The following FANCC variants were observed in gnomAD, a reference collection of about 807,000 sequenced individuals.
FANCC encodes the protein Fanconi anemia group C protein.
FANCC carries 55 observed loss-of-function variants against 71.3 expected under a neutral mutation model. The ratio of observed to expected loss-of-function variants is 0.77; its 90% confidence interval spans 0.62 to 0.97. The LOEUF is 0.97. Ranked by LOEUF, FANCC falls within the 50% of genes least tolerant of loss-of-function variation. FANCC has a pLI of 0.00. For missense variants in FANCC, 678 were observed against 670.9 expected (o/e 1.01, Z -0.12); for synonymous variants, 275 against 244.9 (o/e 1.12, Z -1.15).
At chr9:95,305,203 A>C (rs1835002682) in intron 1 of FANCC, among the ~76,000 whole-genome samples, 1 of 152,230 alleles carries the variant, frequency 6.6e-6, no homozygotes, top group East Asian at 1.9e-4. Flanking sequence ...CCACACATAC[A>C]GCCATGCACA....
intron 1 of FANCC, among the ~76,000 whole-genome samples, chr9:95,277,243 C>T (rs1833096417): frequency 6.6e-6 from 1 of 152,062 alleles, no homozygotes; most frequent in Non-Finnish European, 1.5e-5. Context: ...TTGCTTCAGC[C>T]TCAAAGAGCA....
In FANCC at chr9:95,248,967, G is replaced by A. The variant is rs566521626; in HGVS notation, c.165+160C>T. On this transcript the variant is annotated intron_variant, in intron 2 of 14. Coordinates refer to ENST00000289081, the MANE Select transcript of FANCC (RefSeq NM_000136.3). The stretch of plus-strand genomic sequence containing the variant: ...AGAAATTATAATAATATAATAAATC[G>A]GAGACTAGGAAACCAGCTCTTGAGT... Among the ~76,000 whole-genome samples the A allele has an allele frequency of 2.4e-4, 37 of 152,130 alleles. No homozygotes were observed. The East Asian group carries it at 5.6e-3, about 23-fold the overall frequency.
intron 4 of FANCC, among the ~76,000 whole-genome samples, chr9:95,205,306 A>AT (rs1828054401): frequency 3.9e-5 from 6 of 152,234 alleles, no homozygotes; most frequent in Non-Finnish European, 7.4e-5. Flanking sequence ...CATTTAAAGT[A>AT]TTTTTTTACA....
At chr9:95,292,414 C>T (rs1397840395) in intron 1 of FANCC, 1 of 1,084,494 alleles carries the variant, frequency 9.2e-7, no homozygotes, top group South Asian at 4.3e-5. Flanking sequence ...CCGGCGGCCA[C>T]GAGAGGAGCC....
At chr9:95,170,961 T>C in intron 6 of FANCC, 118 bp downstream of exon 6, 1 of 769,890 alleles carries the variant, frequency 1.3e-6, no homozygotes. Flanking sequence ...ATAATCTTTC[T>C]ATATAAAATA....
chr9:95,162,985 GC>G (rs1332622068), intron 6 of FANCC, among the ~76,000 whole-genome samples: 1 of 152,030 alleles, frequency 6.6e-6, no homozygotes, highest in Non-Finnish European at 1.5e-5. Flanking sequence ...GTCTATTCTT[GC>G]TTTTCTTGCC....
intron 1 of FANCC, among the ~76,000 whole-genome samples, chr9:95,263,529 T>G (rs954384595): frequency 1.4e-5 from 2 of 141,656 alleles, no homozygotes; most frequent in Non-Finnish European, 3.1e-5. Context: ...TATATATATA[T>G]AGATATAGAT....
In FANCC at chr9:95,296,082, T is replaced by C. The variant is rs1040200320; in HGVS notation, c.-79+21444A>G. 3.9e-5 allele frequency among the ~76,000 whole-genome samples: 6 copies of C among 152,364 alleles called. No individual in the cohort carries two copies. The East Asian group carries it at 1.2e-3, about 29-fold the overall frequency. On this transcript the variant is annotated intron_variant, in intron 1 of 14. Transcript: ENST00000289081. ...GGTGATAACTTCATGGGTATATACT[T>C]ATCCACAAACTCATTGAGTTCTATA...
chr9:95,185,663 T>C (rs1218329024), intron 4 of FANCC, among the ~76,000 whole-genome samples: 2 of 152,250 alleles, frequency 1.3e-5, no homozygotes, highest in Non-Finnish European at 2.9e-5. Context: ...ATTACCATAG[T>C]TCCTTTTCTT....
At chr9:95,304,749 CAAAAAAAAAAAAAA>C (rs35105777) in intron 1 of FANCC, among the ~76,000 whole-genome samples, 3 of 44,498 alleles carry the variant, frequency 6.7e-5, no homozygotes, top group Admixed American at 3.7e-4. Flanking sequence ...GACTCTATCT[CAAAAAAAAAAAAAA>C]AAAAAAAAAA....
intron 13 of FANCC, among the ~76,000 whole-genome samples, chr9:95,109,951 C>T (rs1343518000): frequency 1.3e-5 from 2 of 152,232 alleles, no homozygotes; most frequent in African/African-American, 4.8e-5. Context: ...CAGGACGCCA[C>T]ATACACCAAT....
chr9:95,194,645 G>A (rs538953883), intron 4 of FANCC, among the ~76,000 whole-genome samples: 1 of 148,860 alleles, frequency 6.7e-6, no homozygotes, highest in Non-Finnish European at 1.5e-5. Flanking sequence ...TTTTTTTTTT[G>A]CTCATGAACT....
chr9:95,200,239 T>C (rs1275595119), intron 4 of FANCC, among the ~76,000 whole-genome samples: 1 of 152,142 alleles, frequency 6.6e-6, no homozygotes, highest in Non-Finnish European at 1.5e-5. Context: ...GGGGTTCACA[T>C]TAGTACCCAC....
At chr9:95,222,961 C>T (rs1038504136) in intron 4 of FANCC, among the ~76,000 whole-genome samples, 1 of 152,064 alleles carries the variant, frequency 6.6e-6, no homozygotes, top group Admixed American at 6.6e-5. Context: ...TTTGTTATAC[C>T]TGGTTATTCA....
At chr9:95,144,817 C>A (rs936293445) in intron 7 of FANCC, among the ~76,000 whole-genome samples, 1 of 152,254 alleles carries the variant, frequency 6.6e-6, no homozygotes, top group South Asian at 2.1e-4. Context: ...TGCTCCATTG[C>A]GGGTGTTGGG....
At chr9:95,302,605 G>A (rs901133783) in intron 1 of FANCC, among the ~76,000 whole-genome samples, 84 of 152,218 alleles carry the variant, frequency 5.5e-4, no homozygotes, top group African/African-American at 1.8e-3. Flanking sequence ...CCTTTAGCCT[G>A]TGAATCCTCA....
At chr9:95,119,738 G>A (rs2072720709) in intron 10 of FANCC, among the ~76,000 whole-genome samples, 1 of 151,416 alleles carries the variant, frequency 6.6e-6, no homozygotes, top group South Asian at 2.1e-4. Flanking sequence ...TTGAGATATG[G>A]TTTCACTCTG....
At chr9:95,198,154 T>C (rs2135785109) in intron 4 of FANCC, among the ~76,000 whole-genome samples, 1 of 152,268 alleles carries the variant, frequency 6.6e-6, no homozygotes, top group South Asian at 2.1e-4. Context: ...CTAGTGGAGA[T>C]GGAATTTCTG....
intron 1 of FANCC, among the ~76,000 whole-genome samples, chr9:95,281,580 C>A (rs752675841): frequency 6.6e-6 from 1 of 151,976 alleles, no homozygotes; most frequent in Non-Finnish European, 1.5e-5. Flanking sequence ...ATGAGCAACA[C>A]AAAAACATCT....
Sources: allele counts gnomAD v4.1 joint callset (sites outside exome capture counted in the v4.1 genomes callset), GRCh38; gene constraint gnomAD v4.1.1; transcripts MANE v1.5; gene names NCBI Gene and HGNC (gene_info 2026-07-23, HGNC 2026-07-21).